The following BMPR1B variants were observed in gnomAD, a reference collection of about 807,000 sequenced individuals.
The protein encoded by BMPR1B is bone morphogenetic protein receptor type-1B.
BMPR1B carries 12 observed loss-of-function variants against 59.1 expected under a neutral mutation model. The observed-to-expected ratio is 0.20, with a 90% confidence interval of 0.13 to 0.33. The LOEUF (loss-of-function observed/expected upper bound fraction) is 0.33. Among genes scored for constraint, BMPR1B ranks in the 10% least tolerant of loss-of-function variants. The pLI is 1.00. For missense variants in BMPR1B, 550 were observed against 610.9 expected, an observed-to-expected ratio of 0.90 and a Z score of 1.05; for synonymous variants, 237 against 207.3, an observed-to-expected ratio of 1.14 and a Z score of -1.23.
chr4:94,919,549 A>T, intron 2 of BMPR1B, among the ~76,000 whole-genome samples: 1 of 152,086 alleles, frequency 6.6e-6, no homozygotes, highest in African/African-American at 2.4e-5. Context: ...CCACCCCCTC[A>T]ACCCACCCAA....
At chr4:94,867,076 A>G (rs895013172) in intron 1 of BMPR1B, among the ~76,000 whole-genome samples, 3 of 152,048 alleles carry the variant, frequency 2.0e-5, no homozygotes, top group African/African-American at 4.8e-5. Flanking sequence ...TCTCTTATTT[A>G]TATGACTTTC....
chr4:95,075,342 T>C (rs556169901), intron 3 of BMPR1B, among the ~76,000 whole-genome samples: 12 of 152,296 alleles, frequency 7.9e-5, no homozygotes, highest in African/African-American at 2.6e-4. Context: ...GCTATACTTA[T>C]GATTTTTAGG....
chr4:94,779,657 C>T (rs994213747), intron 1 of BMPR1B, among the ~76,000 whole-genome samples: 1 of 151,988 alleles, frequency 6.6e-6, no homozygotes. Flanking sequence ...ATGGTGAAAC[C>T]CTGTCTTTAC....
intron 4 of BMPR1B, among the ~76,000 whole-genome samples, chr4:95,106,402 A>G (rs1731202810): frequency 6.6e-6 from 1 of 152,080 alleles, no homozygotes; most frequent in South Asian, 2.1e-4. Context: ...CAGTGGATTC[A>G]GTAAAATCAG....
chr4:95,136,303 C>T (rs910335233), intron 10 of BMPR1B, among the ~76,000 whole-genome samples: 6 of 152,136 alleles, frequency 3.9e-5, no homozygotes, highest in South Asian at 2.1e-4. Flanking sequence ...CAGCTGGATT[C>T]GTTTTGCCAG....
chr4:94,935,656 G>A (rs1233923338), intron 2 of BMPR1B, among the ~76,000 whole-genome samples: 1 of 152,200 alleles, frequency 6.6e-6, no homozygotes, highest in South Asian at 2.1e-4. Flanking sequence ...CTTTCAGAGA[G>A]GTAATCTTAG....
intron 2 of BMPR1B, among the ~76,000 whole-genome samples, chr4:94,958,602 G>A (rs1339682397): frequency 6.6e-6 from 1 of 152,122 alleles, no homozygotes; most frequent in Non-Finnish European, 1.5e-5. Flanking sequence ...TAACAGCCTT[G>A]TTTTAACATA....
intron 3 of BMPR1B, among the ~76,000 whole-genome samples, chr4:95,053,931 C>A (rs1726722988): frequency 6.6e-6 from 1 of 152,086 alleles, no homozygotes; most frequent in Non-Finnish European, 1.5e-5. Context: ...CATCTAACAT[C>A]CTTTACAATT....
At chr4:94,966,567 A>C (rs115842911) in intron 2 of BMPR1B, among the ~76,000 whole-genome samples, 1,969 of 152,320 alleles carry the variant, frequency 0.013, 43 homozygotes, top group African/African-American at 0.045. Flanking sequence ...ATTGGTCACA[A>C]TACTTTTTTC....
chr4:95,061,161 ACACAC>A (rs1276704371), intron 3 of BMPR1B, among the ~76,000 whole-genome samples: 1 of 3,228 alleles, frequency 3.1e-4, no homozygotes, highest in Non-Finnish European at 5.2e-4. Flanking sequence ...TTTAGAATAA[ACACAC>A]ACACACACAC....
intron 2 of BMPR1B, among the ~76,000 whole-genome samples, chr4:94,899,675 C>A (rs17022491): frequency 0.049 from 7,461 of 151,702 alleles, 452 homozygotes; most frequent in African/African-American, 0.14. Flanking sequence ...TGTTTTATAA[C>A]TGGTGTTTAA....
intron 1 of BMPR1B, among the ~76,000 whole-genome samples, chr4:94,800,440 C>G (rs1373454087): frequency 7.1e-6 from 1 of 141,786 alleles, no homozygotes; most frequent in Non-Finnish European, 1.5e-5. Context: ...ATTTTAGGGT[C>G]TTTACTATTT....
At chr4:95,023,045 A>G (rs1310667404) in intron 3 of BMPR1B, among the ~76,000 whole-genome samples, 2 of 152,154 alleles carry the variant, frequency 1.3e-5, no homozygotes, top group Non-Finnish European at 2.9e-5. Flanking sequence ...AATACAGTAC[A>G]TCTTTTTTTT....
At chr4:95,058,921 AT>A (rs377458113) in intron 3 of BMPR1B, among the ~76,000 whole-genome samples, 153 of 152,246 alleles carry the variant, frequency 1.0e-3, no homozygotes, top group African/African-American at 3.5e-3. Flanking sequence ...TCAACTGAAT[AT>A]TTGTCTTGGT....
chr4:94,891,882 T>A (rs1337590564), intron 2 of BMPR1B, among the ~76,000 whole-genome samples: 1 of 152,066 alleles, frequency 6.6e-6, no homozygotes, highest in East Asian at 1.9e-4. Context: ...CTCTCTTGTG[T>A]TTGAGGCACC....
chr4:94,872,991 GC>G (rs758373698), intron 1 of BMPR1B, among the ~76,000 whole-genome samples: 1 of 152,150 alleles, frequency 6.6e-6, no homozygotes, highest in Non-Finnish European at 1.5e-5. Flanking sequence ...TGATTCAGCT[GC>G]CTGTAGGGCC....
intron 3 of BMPR1B, among the ~76,000 whole-genome samples, chr4:95,092,483 A>G (rs1730063250): frequency 6.6e-6 from 1 of 152,088 alleles, no homozygotes; most frequent in African/African-American, 2.4e-5. Flanking sequence ...TCATTATTCC[A>G]TATTGTTTCA....
chr4:95,055,893 C>T (rs1726893402), intron 3 of BMPR1B, among the ~76,000 whole-genome samples: 1 of 152,026 alleles, frequency 6.6e-6, no homozygotes, highest in South Asian at 2.1e-4. Flanking sequence ...AAATTAGTTT[C>T]TTTTTTCTCT....
rs140055112 is a variant in BMPR1B at position 95,111,356 on chromosome 4, A to G, written c.144-3364A>G. Among the ~76,000 whole-genome samples the G allele has an allele frequency of 5.9e-5, 9 of 152,238 alleles. No individual in the cohort carries two copies. The East Asian group carries it at 1.7e-3, about 29-fold the overall frequency. On this transcript the variant is annotated intron_variant, in intron 4 of 12. Transcript: ENST00000515059. ...GGCTATATGAACAACCCTGGGGTTT[A>G]CAATAAAGAAACATAAGATCTTAGT...
Sources: gnomAD v4.1 joint callset for allele counts (sites outside exome capture counted in the v4.1 genomes callset) on GRCh38, gnomAD v4.1.1 for gene constraint, MANE v1.5 for transcripts, NCBI Gene and HGNC (gene_info 2026-07-23, HGNC 2026-07-21) for gene names.